DPP6: variants seen among roughly 807,000 people sequenced by gnomAD.
DPP6 encodes A-type potassium channel modulatory protein DPP6.
In DPP6, 69 loss-of-function variants were observed where a neutral mutation model predicts 122.6. That is an observed-to-expected ratio of 0.56 (90% CI 0.46 to 0.69). DPP6 has a LOEUF of 0.69. Ranked by LOEUF, DPP6 falls within the 30% of genes least tolerant of loss-of-function variation. The pLI is 0.00. For synonymous variants in DPP6, 418 were observed against 433.1 expected (o/e 0.97, Z 0.43); for missense variants, 928 against 1,116.9 (o/e 0.83, Z 2.41).
chr7:154,675,366 AAG>A (rs1838836951), intron 7 of DPP6, among the ~76,000 whole-genome samples: 2 of 152,128 alleles, frequency 1.3e-5, no homozygotes, highest in South Asian at 4.2e-4. Context: ...TAAAGAAAAA[AAG>A]AAAAAAAATT....
chr7:154,891,711 G>T (rs576588114), intron 25 of DPP6, among the ~76,000 whole-genome samples: 1 of 152,048 alleles, frequency 6.6e-6, no homozygotes, highest in Non-Finnish European at 1.5e-5. Flanking sequence ...TCAGCCTCCC[G>T]AGTAGCTGGG....
intron 8 of DPP6, among the ~76,000 whole-genome samples, chr7:154,729,518 G>T (rs112533437): frequency 4.3e-4 from 65 of 152,306 alleles, no homozygotes; most frequent in Admixed American, 9.1e-4. Context: ...AGGACAGTTT[G>T]ATGAGTTTGG....
chr7:154,774,971 T>C (rs1401141202), intron 10 of DPP6, among the ~76,000 whole-genome samples: 1 of 152,178 alleles, frequency 6.6e-6, no homozygotes, highest in African/African-American at 2.4e-5. Flanking sequence ...GCTACTGACA[T>C]TTGGGGCTCA....
intron 18 of DPP6, among the ~76,000 whole-genome samples, chr7:154,870,078 C>G (rs1804260490): frequency 6.6e-6 from 1 of 151,438 alleles, no homozygotes; most frequent in African/African-American, 2.4e-5. Flanking sequence ...CTCCCGAGCT[C>G]AAGTGATCCT....
At chr7:154,836,511 A>G (rs1344693558) in intron 16 of DPP6, among the ~76,000 whole-genome samples, 1 of 152,154 alleles carries the variant, frequency 6.6e-6, no homozygotes, top group Admixed American at 6.5e-5. Context: ...TTCGAATTAT[A>G]TTTCCACTTC....
chr7:154,600,110 A>G (rs1430647158), intron 5 of DPP6, among the ~76,000 whole-genome samples: 1 of 152,164 alleles, frequency 6.6e-6, no homozygotes, highest in East Asian at 1.9e-4. Flanking sequence ...TTATGGTGTC[A>G]TTATTCCTTT....
intron 1 of DPP6, among the ~76,000 whole-genome samples, chr7:154,339,618 A>G (rs1256950261): frequency 7.1e-6 from 1 of 140,192 alleles, no homozygotes; most frequent in African/African-American, 2.8e-5. Flanking sequence ...CCATCTAATG[A>G]ATGGCTGCTT....
Position 154,875,146 on chromosome 7 carries a change from A to G in DPP6, c.1884-760A>G, listed in dbSNP as rs1446276357. Among the ~76,000 whole-genome samples the G allele has an allele frequency of 2.0e-5, 3 of 151,862 alleles. No homozygotes were observed. Among genetic ancestry groups the G allele is most frequent in the African/African-American group, 7.2e-5 (3 of 41,406 alleles). On this transcript the variant is annotated intron_variant, in intron 19 of 25. Coordinates refer to ENST00000377770, the MANE Select transcript of DPP6 (RefSeq NM_130797.4). The surrounding 1 kb of genome is among the most constrained non-coding windows in gnomAD (Gnocchi z 4.5). Reference sequence around the variant, plus strand: ...GAAAAGAAAAGAAAGAGAGAGAGAGAAGGAAAGAAGGAGGGGAGGGAGGGA... The same window carrying G: ...GAAAAGAAAAGAAAGAGAGAGAGAGGAGGAAAGAAGGAGGGGAGGGAGGGA...
At chr7:153,822,263 C>T in the DPP6 span, among the ~76,000 whole-genome samples, 6 of 144,382 alleles carry the variant, frequency 4.2e-5, no homozygotes, top group African/African-American at 1.5e-4. Context: ...CATCTCAGCT[C>T]ACTGCAAGCT....
chr7:153,838,191 G>T, the DPP6 span, among the ~76,000 whole-genome samples: 1 of 152,080 alleles, frequency 6.6e-6, no homozygotes, highest in Non-Finnish European at 1.5e-5. Flanking sequence ...CCAGAACCAG[G>T]AATCCCATGC....
At chr7:154,107,363 T>C (rs183990266) in intron 1 of DPP6, among the ~76,000 whole-genome samples, 1 of 152,300 alleles carries the variant, frequency 6.6e-6, no homozygotes, top group East Asian at 1.9e-4. Context: ...ATTATGTCAC[T>C]TGTGTAGAAT....
intron 1 of DPP6, among the ~76,000 whole-genome samples, chr7:153,995,769 G>C (rs1318947434): frequency 2.0e-5 from 3 of 152,046 alleles, no homozygotes; most frequent in Admixed American, 6.5e-5. Flanking sequence ...TTCTGAGAGG[G>C]AATAAAAGCA....
intron 1 of DPP6, among the ~76,000 whole-genome samples, chr7:154,388,970 G>T (rs1184102343): frequency 6.6e-6 from 1 of 152,080 alleles, no homozygotes; most frequent in Non-Finnish European, 1.5e-5. Context: ...CATTCCAAGA[G>T]CCCATTTCAG....
At chr7:154,123,967 C>T (rs1182098562) in intron 1 of DPP6, among the ~76,000 whole-genome samples, 1 of 152,034 alleles carries the variant, frequency 6.6e-6, no homozygotes, top group Non-Finnish European at 1.5e-5. Flanking sequence ...GCCACCCACT[C>T]ACTATGATTA....
chr7:154,251,553 T>A (rs898280466), intron 1 of DPP6, among the ~76,000 whole-genome samples: 3 of 152,166 alleles, frequency 2.0e-5, no homozygotes, highest in Non-Finnish European at 4.4e-5. Context: ...GTGGGCCATC[T>A]GCAAGTTGAG....
In DPP6 at chr7:154,029,360, C is replaced by CA. The variant is rs540798512; in HGVS notation, c.51+141634dup. On this transcript the variant is annotated intron_variant, in intron 1 of 25. Transcript: ENST00000404039. ...TGAAACCCCGTCTCTACTAAAAATA[C>CA]AAAAAAAATAGCTGGGCGCGGTGGC... 5.1e-3 allele frequency among the ~76,000 whole-genome samples: 762 copies of CA among 149,738 alleles called. 8 individuals carry two copies. The highest frequency in any genetic ancestry group is 0.018 in the African/African-American group (716 of 40,738).
At chr7:154,467,787 C>CAA (rs1563718281) in intron 2 of DPP6, among the ~76,000 whole-genome samples, 2 of 152,174 alleles carry the variant, frequency 1.3e-5, no homozygotes, top group Non-Finnish European at 1.5e-5. Context: ...TTCCATTAGA[C>CAA]AAGTGGCTCT....
chr7:153,885,016 ATATATG>A (rs1268853453), upstream of DPP6, among the ~76,000 whole-genome samples: 1 of 145,788 alleles, frequency 6.9e-6, no homozygotes, highest in African/African-American at 2.5e-5. Context: ...ATATATATAT[ATATATG>A]TTTGTCTTCT....
chr7:154,876,229 T>C, intron 20 of DPP6, 129 bp downstream of exon 20: 4 of 1,335,012 alleles, frequency 3.0e-6, no homozygotes, highest in Non-Finnish European at 1.9e-6. Context: ...TGCTCTTACC[T>C]AAAATCTCTT....
Sources: allele counts gnomAD v4.1 joint callset (sites outside exome capture counted in the v4.1 genomes callset), GRCh38; gene constraint gnomAD v4.1.1; non-coding constraint Gnocchi (gnomAD v3.1); transcripts MANE v1.5; gene names NCBI Gene and HGNC (gene_info 2026-07-23, HGNC 2026-07-21).